The following OMD variants were observed in gnomAD, a reference collection of about 807,000 sequenced individuals.
OMD encodes KSPG osteomodulin.
Under a neutral mutation model 31.2 loss-of-function variants are expected in OMD, and 19 were observed. The observed-to-expected ratio is 0.61, with a 90% CI of 0.42 to 0.89. The LOEUF (loss-of-function observed/expected upper bound fraction) is 0.89, where lower values mean the gene tolerates loss of function less well. Ranked by LOEUF, OMD falls within the 40% of genes least tolerant of loss-of-function variation. The probability of loss-of-function intolerance (pLI) is 0.00; values close to 1 mark genes in which losing one functional copy is unlikely to be tolerated. For synonymous variants in OMD, 155 were observed against 166.4 expected (o/e 0.93, Z 0.53); for missense variants, 448 against 490.8 (o/e 0.91, Z 0.82).
chr9:92,420,075 T>G (rs1843739609), intron 1 of OMD, among the ~76,000 whole-genome samples: 1 of 152,124 alleles, frequency 6.6e-6, no homozygotes, highest in Non-Finnish European at 1.5e-5. Flanking sequence ...CAGTGATACT[T>G]TCCTTCATTC....
At chr9:92,415,950 T>G (rs2130956676) in intron 2 of OMD, among the ~76,000 whole-genome samples, 1 of 145,144 alleles carries the variant, frequency 6.9e-6, no homozygotes, top group Non-Finnish European at 1.5e-5. Context: ...AAACTCAGAA[T>G]ACGCTCTGTA....
intron 1 of OMD, among the ~76,000 whole-genome samples, chr9:92,421,698 A>G (rs1223948080): frequency 6.6e-6 from 1 of 152,216 alleles, no homozygotes; most frequent in Non-Finnish European, 1.5e-5. Context: ...AATTATTTCT[A>G]GTGATGAGGC....
chr9:92,418,405 A>G (rs1220198113), intron 1 of OMD, among the ~76,000 whole-genome samples: 1 of 150,204 alleles, frequency 6.7e-6, no homozygotes, highest in Non-Finnish European at 1.5e-5. Context: ...TTTTTTTTTT[A>G]AGTCACATAT....
chr9:92,416,699 A>T lies in OMD; in HGVS notation c.860T>A (p.Val287Asp). ...TGCTTGCTTCAATTTGTTGTGTCCAACACTGAGTTCTACAATGTTGGGAAG... is the reference window on the plus strand; with the variant it reads ...TGCTTGCTTCAATTTGTTGTGTCCATCACTGAGTTCTACAATGTTGGGAAG... Reference protein sequence around the residue: ...FNLPNIVELSVGHNKLKQAFY... With the variant: ...FNLPNIVELSDGHNKLKQAFY... Residue 287 changes from valine (V) to aspartate (D), a missense_variant, in exon 2 of 3, where the codon GTT becomes GAT. By Grantham distance (152) the Val-to-Asp change is radical. Coordinates refer to ENST00000375550, the MANE Select transcript of OMD (RefSeq NM_005014.3). 2 of 1,613,712 alleles carry T rather than the reference A, an allele frequency of 1.2e-6. No homozygotes were observed. The highest frequency in any genetic ancestry group is 1.7e-6 in the Non-Finnish European group (2 of 1,179,858).
At chr9:92,419,891 A>G (rs1246786266) in intron 1 of OMD, among the ~76,000 whole-genome samples, 2 of 152,182 alleles carry the variant, frequency 1.3e-5, no homozygotes, top group East Asian at 3.9e-4. Context: ...GGTATAATTG[A>G]GAGAATAGTT....
At position 92,414,461 on chromosome 9, in the gene OMD, GT is replaced by G; in HGVS notation, c.*690del. The G allele has an allele frequency of 4.8e-6, 1 of 209,172 alleles. No homozygotes were observed. The highest frequency in any genetic ancestry group is 9.7e-6 in the Non-Finnish European group (1 of 102,866). 13.0% of individuals were successfully genotyped at this position (209,172 alleles called of 1,614,324 possible). ...ACAAATTGCAATGAGATAGTTTGGT[GT>G]TTTTTAGTTGTCCAAATACAGCTTT... On this transcript the variant is annotated 3_prime_UTR_variant, in exon 3 of 3. Transcript: ENST00000375550.
chr9:92,415,759 G>T (rs1244553766), intron 2 of OMD, among the ~76,000 whole-genome samples: 2 of 147,486 alleles, frequency 1.4e-5, no homozygotes. Flanking sequence ...CACTACTTAG[G>T]ATACTCATAT....
chr9:92,418,549 G>T (rs1843690153), intron 1 of OMD, among the ~76,000 whole-genome samples: 1 of 152,058 alleles, frequency 6.6e-6, no homozygotes, highest in Non-Finnish European at 1.5e-5. Context: ...ACTACAGTCT[G>T]ATCCCTCCAC....
chr9:92,416,058 G>GTGTGTGTGTATATATATATA lies in OMD; in HGVS notation c.940+560_940+561insTATATATATATACACACACA, dbSNP rs6151074. On this transcript the variant is annotated intron_variant, in intron 2 of 2. Transcript: ENST00000375550. ...ATAAATAAATATATTATATATGTGT[G>GTGTGTGTGTATATATATATA]TATATATATATATTTATTTATTTAT... 9.2e-5 allele frequency among the ~76,000 whole-genome samples: 12 copies of GTGTGTGTGTATATATATATA among 130,914 alleles called. No homozygotes were observed. The East Asian group carries it at 1.7e-3, about 19-fold the overall frequency. The allele number at this position is 130,914 out of a possible 152,430, so 85.9% of individuals were successfully genotyped here. A position where few individuals can be genotyped will look rare whatever the true frequency, so the allele number is the denominator to read the frequency against.
rs753804397 is a variant in OMD at position 92,415,210 on chromosome 9, G to T, written c.1208C>A (p.Pro403Gln). 1 of 1,613,338 alleles carries T rather than the reference G, an allele frequency of 6.2e-7. No homozygotes were observed. Among genetic ancestry groups the T allele is most frequent in the African/African-American group, 1.3e-5 (1 of 74,774 alleles). Residue 403 changes from proline (P) to glutamine (Q), a missense_variant, in exon 3 of 3, where the codon CCA becomes CAA. Coordinates refer to ENST00000375550, the MANE Select transcript of OMD (RefSeq NM_005014.3). Reference protein sequence around the residue: ...HDDPDNAHESPEQEGAEGHFD... With the variant: ...HDDPDNAHESQEQEGAEGHFD... ...GTGCCCTTCTGCTCCTTCTTGTTCT[G>T]GGCTCTCATGAGCATTGTCAGGATC...
chr9:92,417,367 A>G lies in OMD; in HGVS notation c.192T>C (p.Ser64=), dbSNP rs1005299532. 2 of 1,613,994 alleles carry G rather than the reference A, an allele frequency of 1.2e-6. No individual in the cohort carries two copies. The highest frequency in any genetic ancestry group is 2.7e-5 in the African/African-American group (2 of 74,936). ...GAAAGTTAGTTGGACAGAAGCATTCACTGACACAGCCTAAAGTATACTGAT... is the reference window on the plus strand; with the variant it reads ...GAAAGTTAGTTGGACAGAAGCATTCGCTGACACAGCCTAAAGTATACTGAT... ...PFHQYTLGCV[S]ECFCPTNFPS... is the part of the protein sequence containing the mutation. The change falls in exon 2 of 3, where the codon AGT becomes AGC. Residue 64 remains serine, a synonymous_variant. Coordinates refer to ENST00000375550, the MANE Select transcript of OMD (RefSeq NM_005014.3).
In OMD at chr9:92,412,550, A is replaced by G. The variant is rs1430577882; in HGVS notation, c.*2602T>C. ...TGATCCCCAGCTCTAGGCAACCAATAGTCTTTGTCTCCATAGATTTCCCAG... is the reference window on the plus strand; with the variant it reads ...TGATCCCCAGCTCTAGGCAACCAATGGTCTTTGTCTCCATAGATTTCCCAG... On this transcript the variant is annotated 3_prime_UTR_variant, in exon 3 of 3. Coordinates refer to ENST00000375550, the MANE Select transcript of OMD (RefSeq NM_005014.3). Among the ~76,000 whole-genome samples, 2 of 152,226 alleles carry G rather than the reference A, an allele frequency of 1.3e-5. No individual in the cohort carries two copies. The highest frequency in any genetic ancestry group is 2.9e-5 in the Non-Finnish European group (2 of 68,034).
chr9:92,417,522 A>C lies in OMD; in HGVS notation c.37T>G (p.Phe13Val). 6.2e-7 allele frequency: 1 copy of C among 1,606,962 alleles called. No individual in the cohort carries two copies. The highest frequency in any genetic ancestry group is 8.5e-7 in the Non-Finnish European group (1 of 1,177,994). ...TGGCAATGTACTTTGACTCCAAAAA[A>C]GAAGAAAATAACATATATTGGACTT... ...FLSPIYVIFF[F>V]FGVKVHCQYE... Residue 13 changes from phenylalanine to valine, a missense_variant, in exon 2 of 3, where the codon TTT becomes GTT. By Grantham distance (50) the Phe-to-Val change is conservative (BLOSUM62 -1). Coordinates refer to ENST00000375550, the MANE Select transcript of OMD (RefSeq NM_005014.3).
In OMD at chr9:92,417,097, T is replaced by C; in HGVS notation, c.462A>G (p.Glu154=). ...LQLHLEHNNL[E]EFPFPLPKSL... Reference sequence around the variant, plus strand: ...ATTTAGGAAGAGGAAATGGAAATTCTTCTAAATTATTATGCTCTAGATGAA... The same window carrying C: ...ATTTAGGAAGAGGAAATGGAAATTCCTCTAAATTATTATGCTCTAGATGAA... Residue 154 remains glutamate, a synonymous_variant, in exon 2 of 3, where the codon GAA becomes GAG. Transcript: ENST00000375550. The C allele has an allele frequency of 6.2e-7, 1 of 1,613,766 alleles. No homozygotes were observed. Among genetic ancestry groups the C allele is most frequent in the Non-Finnish European group, 8.5e-7 (1 of 1,179,796 alleles).
Position 92,414,635 on chromosome 9 carries a change from ATAATGG to A in OMD, c.*511_*516del. On this transcript the variant is annotated 3_prime_UTR_variant, in exon 3 of 3. Transcript: ENST00000375550. ...GTGGTGAGCTAGGGGGATGGATGTC[ATAATGG>A]TGAGATCACAAATACCAGTGTGAAA... 1 of 208,758 alleles carries A rather than the reference ATAATGG, an allele frequency of 4.8e-6. No homozygotes were observed. The highest frequency in any genetic ancestry group is 7.3e-5 in the East Asian group (1 of 13,680). 12.9% of individuals were successfully genotyped at this position (208,758 alleles called of 1,614,324 possible).
At chr9:92,420,071 T>A (rs892635308) in intron 1 of OMD, among the ~76,000 whole-genome samples, 47 of 152,194 alleles carry the variant, frequency 3.1e-4, no homozygotes, top group South Asian at 2.1e-4. Context: ...CCTGCAGTGA[T>A]ACTTTCCTTC....
At chr9:92,419,299 C>CTTTTTT (rs34582930) in intron 1 of OMD, among the ~76,000 whole-genome samples, 3 of 117,098 alleles carry the variant, frequency 2.6e-5, no homozygotes, top group Admixed American at 8.9e-5. Context: ...TGCCTTGTGT[C>CTTTTTT]TTTTTTTTTT....
chr9:92,417,630 C>A, intron 1 of OMD, 56 bp from the exon 2 acceptor site: 13 of 881,454 alleles, frequency 1.5e-5, no homozygotes, highest in East Asian at 7.8e-5. Flanking sequence ...TCAGAATACG[C>A]TTTGTATAAA....
chr9:92,419,121 C>G (rs1843707808), intron 1 of OMD, among the ~76,000 whole-genome samples: 1 of 152,140 alleles, frequency 6.6e-6, no homozygotes, highest in Non-Finnish European at 1.5e-5. Flanking sequence ...ACAATGAACA[C>G]TCAGTGCTGA....
Sources: gnomAD v4.1 joint callset for allele counts (sites outside exome capture counted in the v4.1 genomes callset) on GRCh38, gnomAD v4.1.1 for gene constraint, MANE v1.5 for transcripts, NCBI Gene and HGNC (gene_info 2026-07-23, HGNC 2026-07-21) for gene names.